CSRNP3: variants seen among roughly 807,000 people sequenced by gnomAD.
CSRNP3 encodes the protein cysteine/serine-rich nuclear protein 3.
A neutral mutation model predicts 48.0 loss-of-function variants in CSRNP3; 12 were observed. That is an observed-to-expected ratio of 0.25 (90% confidence interval 0.16 to 0.41). CSRNP3 has a LOEUF of 0.41. CSRNP3 is among the 10% of genes least tolerant of loss of function. The pLI, the probability that CSRNP3 is intolerant of heterozygous loss-of-function variation, is 1.00. For synonymous variants in CSRNP3, 263 were observed against 269.7 expected (o/e 0.98, Z 0.24); for missense variants, 580 against 724.4 (o/e 0.80, Z 2.29).
At chr2:165,598,765 T>A (rs1483127722) in intron 4 of CSRNP3, among the ~76,000 whole-genome samples, 1 of 152,214 alleles carries the variant, frequency 6.6e-6, no homozygotes, top group Non-Finnish European at 1.5e-5. Context: ...GTATTAAATA[T>A]AATCTGGCAG....
intron 3 of CSRNP3, among the ~76,000 whole-genome samples, chr2:165,542,026 A>G (rs1684964894): frequency 6.6e-6 from 1 of 152,204 alleles, no homozygotes; most frequent in Admixed American, 6.6e-5. Flanking sequence ...CATGCTGAAC[A>G]GTAACTAAAT....
rs1256226650 is a variant in CSRNP3 at position 165,684,298 on chromosome 2, A to G, written c.*4545A>G. The G allele has an allele frequency of 2.6e-5, 4 of 152,112 alleles. No individual in the cohort carries two copies. Among genetic ancestry groups the G allele is most frequent in the Non-Finnish European group, 4.4e-5 (3 of 67,970 alleles). 9.4% of individuals were successfully genotyped at this position (152,112 alleles called of 1,614,324 possible). A position where few individuals can be genotyped will look rare whatever the true frequency, so the allele number is the denominator to read the frequency against. ...TAGCAGGTGGAAAATTTATATTCTC[A>G]GAAGCCAACAGGAGACTGCCTTTTT... On this transcript the variant is annotated 3_prime_UTR_variant, in exon 7 of 7. Coordinates refer to ENST00000651982, the MANE Select transcript of CSRNP3 (RefSeq NM_001172173.2).
chr2:165,665,658 G>A (rs943147052), intron 5 of CSRNP3, among the ~76,000 whole-genome samples: 16 of 151,932 alleles, frequency 1.1e-4, no homozygotes, highest in Non-Finnish European at 2.9e-5. Flanking sequence ...TACTTGGAAG[G>A]TTGTGATGAG....
At chr2:165,523,804 A>G (rs6750941) in intron 3 of CSRNP3, among the ~76,000 whole-genome samples, 3,189 of 152,262 alleles carry the variant, frequency 0.021, 109 homozygotes, top group African/African-American at 0.073. Flanking sequence ...CAGAGGTCAA[A>G]CAACATGCCC....
chr2:165,617,943 C>T (rs973359056), intron 4 of CSRNP3, among the ~76,000 whole-genome samples: 8 of 152,134 alleles, frequency 5.3e-5, no homozygotes, highest in Non-Finnish European at 1.5e-5. Context: ...GTTGGCAGGA[C>T]CCCAAGGATG....
At chr2:165,513,887 A>C (rs898915145) in intron 2 of CSRNP3, among the ~76,000 whole-genome samples, 1 of 152,234 alleles carries the variant, frequency 6.6e-6, no homozygotes, top group Non-Finnish European at 1.5e-5. Flanking sequence ...CAGCATTGCA[A>C]TATTGAAGGA....
intron 3 of CSRNP3, among the ~76,000 whole-genome samples, chr2:165,542,137 T>C (rs1334438470): frequency 1.3e-5 from 2 of 152,144 alleles, no homozygotes; most frequent in Non-Finnish European, 2.9e-5. Flanking sequence ...CTCACTTACC[T>C]AGCACATCCT....
At chr2:165,559,305 A>G (rs1338549483) in intron 3 of CSRNP3, among the ~76,000 whole-genome samples, 1 of 152,204 alleles carries the variant, frequency 6.6e-6, no homozygotes. Flanking sequence ...CAGTCTCTCA[A>G]CTGTTGATCT....
chr2:165,498,121 T>C (rs1420762357), intron 2 of CSRNP3, among the ~76,000 whole-genome samples: 2 of 152,080 alleles, frequency 1.3e-5, no homozygotes, highest in African/African-American at 4.8e-5. Context: ...TGTTGAGACT[T>C]TCCTTGTATG....
At chr2:165,508,962 A>G (rs1440642180) in intron 2 of CSRNP3, among the ~76,000 whole-genome samples, 1 of 152,174 alleles carries the variant, frequency 6.6e-6, no homozygotes, top group Admixed American at 6.6e-5. Context: ...CTTTTATGAG[A>G]CAGACATTTA....
chr2:165,559,924 T>C lies in CSRNP3; in HGVS notation c.-23-35119T>C, dbSNP rs995205103. Among the ~76,000 whole-genome samples the C allele has an allele frequency of 6.7e-5, 10 of 149,456 alleles. No individual in the cohort carries two copies. The East Asian group carries it at 1.4e-3, about 21-fold the overall frequency. On this transcript the variant is annotated intron_variant, in intron 3 of 6. Transcript: ENST00000651982. ...ATGCCATTCTCCTGTCTCAGCCTCC[T>C]GAGTAGCTGGGACTACAGGCGCCCG... is the stretch of plus-strand genomic sequence containing the variant.
At chr2:165,621,905 T>C (rs1003263748) in intron 4 of CSRNP3, among the ~76,000 whole-genome samples, 3 of 152,208 alleles carry the variant, frequency 2.0e-5, no homozygotes, top group African/African-American at 7.2e-5. Context: ...CAGATGAGAA[T>C]GTTTATTTTG....
intron 3 of CSRNP3, among the ~76,000 whole-genome samples, chr2:165,582,785 G>A (rs563500144): frequency 6.6e-6 from 1 of 152,194 alleles, no homozygotes; most frequent in South Asian, 2.1e-4. Context: ...ACTTTTTTCT[G>A]GGGAAAGTGT....
chr2:165,523,881 A>G (rs1384592218), intron 3 of CSRNP3, among the ~76,000 whole-genome samples: 2 of 152,198 alleles, frequency 1.3e-5, no homozygotes, highest in African/African-American at 4.8e-5. Context: ...TCTTCATTCT[A>G]TTGCTCTTTG....
intron 3 of CSRNP3, among the ~76,000 whole-genome samples, chr2:165,539,673 A>G (rs1046987434): frequency 6.6e-6 from 1 of 152,034 alleles, no homozygotes; most frequent in Non-Finnish European, 1.5e-5. Context: ...CGACCTTTTT[A>G]TTTAAATCAA....
chr2:165,508,199 T>A (rs560679885), intron 2 of CSRNP3, among the ~76,000 whole-genome samples: 2 of 152,284 alleles, frequency 1.3e-5, no homozygotes, highest in East Asian at 3.9e-4. Context: ...CAGGACCATC[T>A]GTAAGAATTT....
intron 4 of CSRNP3, among the ~76,000 whole-genome samples, chr2:165,639,694 C>A (rs1377749): frequency 0.061 from 9,249 of 152,186 alleles, 437 homozygotes; most frequent in African/African-American, 0.13. Flanking sequence ...ATGGAAAGGG[C>A]ATTGCTGTGA....
intron 3 of CSRNP3, among the ~76,000 whole-genome samples, chr2:165,550,612 A>T (rs1267038603): frequency 6.6e-6 from 1 of 152,226 alleles, no homozygotes; most frequent in Non-Finnish European, 1.5e-5. Flanking sequence ...GCTGAGTAGA[A>T]ATAAAGATTC....
At chr2:165,636,667 A>G (rs147481446) in intron 4 of CSRNP3, among the ~76,000 whole-genome samples, 8 of 152,380 alleles carry the variant, frequency 5.3e-5, no homozygotes, top group Non-Finnish European at 1.0e-4. Context: ...ATACATATGT[A>G]ATATTTGTAT....
Sources: gnomAD v4.1 joint callset for allele counts (sites outside exome capture counted in the v4.1 genomes callset) on GRCh38, gnomAD v4.1.1 for gene constraint, MANE v1.5 for transcripts, NCBI Gene and HGNC (gene_info 2026-07-23, HGNC 2026-07-21) for gene names.